Variants in RAD51B observed in about 807,000 individuals in gnomAD.
RAD51B encodes DNA repair protein RAD51 homolog 2.
A neutral mutation model predicts 42.2 loss-of-function variants in RAD51B; 38 were observed. That is an observed-to-expected ratio of 0.90 (90% confidence interval 0.70 to 1.18). RAD51B has a LOEUF of 1.18. RAD51B is among the 50% of genes most tolerant of loss of function. The pLI is 0.00. For synonymous variants in RAD51B, 154 were observed against 145.2 expected (o/e 1.06, Z -0.43); for missense variants, 373 against 400.7 (o/e 0.93, Z 0.59).
rs539455368 is a variant in RAD51B at position 67,967,133 on chromosome 14, A to T, written c.756+79929A>T. 2.0e-5 allele frequency among the ~76,000 whole-genome samples: 3 copies of T among 152,318 alleles called. No homozygotes were observed. In the East Asian group the frequency reaches 5.8e-4, roughly 29 times the overall value. On this transcript the variant is annotated intron_variant, in intron 7 of 10. Transcript: ENST00000471583. Reference sequence around the variant, plus strand: ...GAGGTTGCAAAAGTGGAAACCCCTGATAAAACCATCAGATCTTGTGAGACT... The same window carrying T: ...GAGGTTGCAAAAGTGGAAACCCCTGTTAAAACCATCAGATCTTGTGAGACT...
At chr14:68,517,667 A>C (rs530478754) in intron 10 of RAD51B, among the ~76,000 whole-genome samples, 1 of 152,300 alleles carries the variant, frequency 6.6e-6, no homozygotes, top group East Asian at 1.9e-4. Flanking sequence ...GCTAAGACGT[A>C]TATGTACCAG....
intron 7 of RAD51B, among the ~76,000 whole-genome samples, chr14:68,219,514 A>G (rs946616937): frequency 6.6e-6 from 1 of 152,174 alleles, no homozygotes; most frequent in African/African-American, 2.4e-5. Context: ...ATCACATCAC[A>G]GGACGCTTTG....
intron 10 of RAD51B, among the ~76,000 whole-genome samples, chr14:68,536,543 T>C (rs1887630126): frequency 6.6e-6 from 1 of 152,230 alleles, no homozygotes; most frequent in Non-Finnish European, 1.5e-5. Flanking sequence ...TATCAAACTC[T>C]ATTTCTTTGG....
At chr14:67,946,261 G>A (rs2045387350) in intron 7 of RAD51B, among the ~76,000 whole-genome samples, 1 of 152,118 alleles carries the variant, frequency 6.6e-6, no homozygotes, top group Non-Finnish European at 1.5e-5. Context: ...AATAGGAAAG[G>A]GGGAAAAGTT....
chr14:67,902,554 C>T lies in RAD51B; in HGVS notation c.756+15350C>T, dbSNP rs148329985. 1.8e-4 allele frequency among the ~76,000 whole-genome samples: 28 copies of T among 152,162 alleles called. 2 individuals are homozygous for T. Among genetic ancestry groups the T allele is most frequent in the South Asian group, 6.2e-4 (3 of 4,820 alleles). ...GATTTGTTTTAAAATTAGATTGTAA[C>T]GACATCTGGCTTTTATATTATTATT... On this transcript the variant is annotated intron_variant, in intron 7 of 10. Transcript: ENST00000471583.
In RAD51B at chr14:68,091,066, G is replaced by A. The variant is rs952924175; in HGVS notation, c.757-200818G>A. Among the ~76,000 whole-genome samples the A allele has an allele frequency of 3.0e-3, 461 of 152,026 alleles. 2 individuals are homozygous for A. Among genetic ancestry groups the A allele is most frequent in the African/African-American group, 0.01 (435 of 41,460 alleles). On this transcript the variant is annotated intron_variant, in intron 7 of 10. Coordinates refer to ENST00000471583, the MANE Select transcript of RAD51B (RefSeq NM_133510.4). ...TTATGGCTGCATAGTATTCCATGGC[G>A]TATATGTGCCACATTTTCTTAATCC...
At chr14:68,604,882 G>A (rs17829444) in intron 10 of RAD51B, among the ~76,000 whole-genome samples, 26,205 of 152,062 alleles carry the variant, frequency 0.17, 2,434 homozygotes, top group Non-Finnish European at 0.21. Context: ...TCTTTTCTTC[G>A]GAGAGTGACA....
chr14:68,275,530 G>A (rs965982330), intron 7 of RAD51B, among the ~76,000 whole-genome samples: 1 of 152,122 alleles, frequency 6.6e-6, no homozygotes, highest in Non-Finnish European at 1.5e-5. Flanking sequence ...TTGAAGTCCA[G>A]TGGGGTCTCT....
intron 4 of RAD51B, among the ~76,000 whole-genome samples, chr14:67,854,013 A>G (rs1595005285): frequency 6.6e-6 from 1 of 152,218 alleles, no homozygotes; most frequent in South Asian, 2.1e-4. Context: ...CAAACACCTT[A>G]AAGTTTGTAT....
intron 7 of RAD51B, among the ~76,000 whole-genome samples, chr14:68,017,286 C>G (rs2075791482): frequency 6.6e-6 from 1 of 152,086 alleles, no homozygotes; most frequent in Admixed American, 6.5e-5. Context: ...TCCTCCACCT[C>G]CTAGGTTCAA....
chr14:68,046,279 C>A (rs970423074), intron 7 of RAD51B, among the ~76,000 whole-genome samples: 6 of 152,120 alleles, frequency 3.9e-5, no homozygotes, highest in African/African-American at 9.7e-5. Context: ...ACATGCCACT[C>A]TGTCAGCTAA....
At chr14:68,150,806 T>G (rs2078362269) in intron 7 of RAD51B, among the ~76,000 whole-genome samples, 1 of 152,172 alleles carries the variant, frequency 6.6e-6, no homozygotes, top group African/African-American at 2.4e-5. Context: ...ACAGTCTATC[T>G]TGAAGTGATA....
chr14:68,005,531 A>T (rs921480290), intron 7 of RAD51B, among the ~76,000 whole-genome samples: 5 of 152,100 alleles, frequency 3.3e-5, no homozygotes, highest in African/African-American at 7.2e-5. Context: ...AAGTTGTTGA[A>T]CTAATTTATA....
intron 7 of RAD51B, among the ~76,000 whole-genome samples, chr14:67,946,798 C>T (rs2045410584): frequency 1.3e-5 from 2 of 152,234 alleles, no homozygotes; most frequent in South Asian, 4.1e-4. Flanking sequence ...CTACTTCTGT[C>T]TTCCCTATCT....
intron 10 of RAD51B, among the ~76,000 whole-genome samples, chr14:68,558,571 T>A (rs1327011240): frequency 6.6e-6 from 1 of 152,184 alleles, no homozygotes; most frequent in East Asian, 1.9e-4. Context: ...ATTCCTTGGC[T>A]TGTAGCTGCC....
At chr14:68,316,296 C>G in intron 8 of RAD51B, among the ~76,000 whole-genome samples, 1 of 152,184 alleles carries the variant, frequency 6.6e-6, no homozygotes, top group Non-Finnish European at 1.5e-5. Flanking sequence ...TTGAAGTGGA[C>G]AAACAAATGG....
intron 7 of RAD51B, among the ~76,000 whole-genome samples, chr14:67,951,760 G>A (rs1282419962): frequency 6.6e-6 from 1 of 152,140 alleles, no homozygotes; most frequent in East Asian, 1.9e-4. Context: ...GAGGTGATCT[G>A]ATGTGGCTGC....
chr14:68,442,341 A>G (rs186617819), intron 9 of RAD51B, among the ~76,000 whole-genome samples: 2 of 151,596 alleles, frequency 1.3e-5, no homozygotes, highest in African/African-American at 4.8e-5. Flanking sequence ...CTAACAGTTC[A>G]TGAAAATAGT....
chr14:68,536,309 G>C lies in RAD51B; in HGVS notation c.1037-58176G>C, dbSNP rs58748947. 7.7e-4 allele frequency among the ~76,000 whole-genome samples: 117 copies of C among 152,338 alleles called. 1 individual carries two copies. The highest frequency in any genetic ancestry group is 2.7e-3 in the African/African-American group (112 of 41,576). On this transcript the variant is annotated intron_variant, in intron 10 of 10. Coordinates refer to the RAD51B transcript ENST00000487270. The stretch of plus-strand genomic sequence containing the variant: ...AGGAAATTAGATTGTTATTAGGAAA[G>C]GGAGATGAGTGCTAGGTGCTCTGGC...
Sources: allele counts gnomAD v4.1 joint callset (sites outside exome capture counted in the v4.1 genomes callset), GRCh38; gene constraint gnomAD v4.1.1; transcripts MANE v1.5; gene names NCBI Gene and HGNC (gene_info 2026-07-23, HGNC 2026-07-21).